Variants in FBN2 observed in about 807,000 individuals in gnomAD.
FBN2 encodes the protein fibrillin-2.
In FBN2, 105 loss-of-function variants were observed where a neutral mutation model predicts 355.6. The observed-to-expected ratio is 0.30, with a 90% CI of 0.25 to 0.35. The LOEUF is 0.35. Among genes scored for constraint, FBN2 ranks in the 10% least tolerant of loss-of-function variants. The pLI, the probability that FBN2 is intolerant of heterozygous loss-of-function variation, is 1.00. For synonymous variants in FBN2, 1,350 were observed against 1,301.2 expected, an observed-to-expected ratio of 1.04 and a Z score of -0.81; for missense variants, 3,280 against 3,758.7, an observed-to-expected ratio of 0.87 and a Z score of 3.33.
Position 128,258,326 on chromosome 5 carries a change from T to TA in FBN2, c.*1128dup, listed in dbSNP as rs1280305113. 6.6e-6 allele frequency: 1 copy of TA among 152,446 alleles called. No individual in the cohort carries two copies. The highest frequency in any genetic ancestry group is 1.5e-5 in the Non-Finnish European group (1 of 68,020). 9.4% of individuals were successfully genotyped at this position (152,446 alleles called of 1,614,324 possible). On this transcript the variant is annotated 3_prime_UTR_variant, in exon 65 of 65. Coordinates refer to ENST00000262464, the MANE Select transcript of FBN2 (RefSeq NM_001999.4). ...ATCTTTCATACACAATAGGCTATGATAAAATGAGGCATATGGTGTATAACT... is the reference window on the plus strand; with the variant it reads ...ATCTTTCATACACAATAGGCTATGATAAAAATGAGGCATATGGTGTATAACT...
chr5:128,459,065 TAAA>T (rs1158517009), intron 6 of FBN2, among the ~76,000 whole-genome samples: 4 of 151,658 alleles, frequency 2.6e-5, no homozygotes, highest in Non-Finnish European at 5.9e-5. Flanking sequence ...GCTAGACTAA[TAAA>T]GAAGAATGAA....
At chr5:128,392,224 A>G in intron 10 of FBN2, 69 bp from the exon 11 acceptor site, 1 of 1,377,608 alleles carries the variant, frequency 7.3e-7, no homozygotes, top group Admixed American at 1.7e-5. Flanking sequence ...ATTGATTTTT[A>G]AAGGACATTT....
At chr5:128,329,693 A>C (rs1241301333) in intron 33 of FBN2, among the ~76,000 whole-genome samples, 1 of 152,374 alleles carries the variant, frequency 6.6e-6, no homozygotes, top group East Asian at 1.9e-4. Flanking sequence ...TGAAGCTTTA[A>C]AACTGAATAA....
chr5:128,412,628 C>A (rs1753100995), intron 7 of FBN2, among the ~76,000 whole-genome samples: 1 of 152,156 alleles, frequency 6.6e-6, no homozygotes, highest in Admixed American at 6.5e-5. Context: ...TGAAAATACA[C>A]CACAGTTGAA....
At chr5:128,501,028 A>C (rs1184283997) in intron 5 of FBN2, among the ~76,000 whole-genome samples, 3 of 152,218 alleles carry the variant, frequency 2.0e-5, no homozygotes, top group African/African-American at 7.2e-5. Flanking sequence ...AGGGAGCAGC[A>C]GGCTGGGGTG....
At position 128,287,327 on chromosome 5, in the gene FBN2, T is replaced by C. The variant is rs747028610; in HGVS notation, c.6861A>G (p.Glu2287=). Residue 2287 remains glutamate, a synonymous_variant, in exon 54 of 65, where the codon GAA becomes GAG. Transcript: ENST00000262464. ...CCTTACCTTTGCACATCTTTTGATC[T>C]TCCCTGAGGGCATAGCCAATCGGGC... ...CTCPIGYALR[E]DQKMCKDLDE... 1.9e-6 allele frequency: 3 copies of C among 1,614,030 alleles called. No homozygotes were observed. Among genetic ancestry groups the C allele is most frequent in the South Asian group, 2.2e-5 (2 of 91,082 alleles).
At chr5:128,523,067 C>T (rs1756477777) in intron 4 of FBN2, among the ~76,000 whole-genome samples, 3 of 152,160 alleles carry the variant, frequency 2.0e-5, no homozygotes, top group South Asian at 4.1e-4. Flanking sequence ...TTACTGAGCA[C>T]TTACTTTGTG....
chr5:128,481,775 G>GA (rs1403376471), intron 5 of FBN2, among the ~76,000 whole-genome samples: 7 of 151,284 alleles, frequency 4.6e-5, no homozygotes, highest in Admixed American at 2.6e-4. Flanking sequence ...ATTTTTAGTG[G>GA]AAAAAAAACA....
chr5:128,377,562 AC>A (rs1195802449), intron 13 of FBN2, among the ~76,000 whole-genome samples, 189 bp downstream of exon 13: 5 of 149,412 alleles, frequency 3.3e-5, no homozygotes, highest in Non-Finnish European at 6.0e-5. Context: ...AAAAAAAAAA[AC>A]CAAAAAACAA....
intron 32 of FBN2, among the ~76,000 whole-genome samples, chr5:128,332,122 C>A (rs1166729408): frequency 1.3e-5 from 2 of 152,126 alleles, no homozygotes; most frequent in Non-Finnish European, 2.9e-5. Context: ...AGTATATATT[C>A]AAATTAACTT....
intron 11 of FBN2, among the ~76,000 whole-genome samples, chr5:128,388,042 T>C (rs761920083): frequency 1.7e-4 from 26 of 152,230 alleles, no homozygotes; most frequent in Non-Finnish European, 3.4e-4. Flanking sequence ...TGGGTGCATG[T>C]ATGTTTAGGA....
chr5:128,389,168 T>A (rs941938278), intron 11 of FBN2, among the ~76,000 whole-genome samples: 1 of 152,050 alleles, frequency 6.6e-6, no homozygotes, highest in South Asian at 2.1e-4. Flanking sequence ...TTGTAGTGAG[T>A]TTTTCAGCTC....
chr5:128,324,522 C>T (rs988685692), intron 34 of FBN2, among the ~76,000 whole-genome samples: 2 of 151,890 alleles, frequency 1.3e-5, no homozygotes, highest in African/African-American at 2.4e-5. Context: ...CTTCTGTATT[C>T]CTGCCTTAAT....
chr5:128,312,165 C>T (rs796770331), intron 37 of FBN2, among the ~76,000 whole-genome samples: 6 of 152,064 alleles, frequency 3.9e-5, no homozygotes, highest in African/African-American at 1.4e-4. Flanking sequence ...TAACACGAAC[C>T]ATTTGTTTTT....
At chr5:128,521,859 G>A (rs1367785258) in intron 4 of FBN2, among the ~76,000 whole-genome samples, 1 of 152,154 alleles carries the variant, frequency 6.6e-6, no homozygotes, top group African/African-American at 2.4e-5. Context: ...CCTAGAAAGA[G>A]CTGGCCCATT....
intron 31 of FBN2, 127 bp downstream of exon 31, chr5:128,334,592 T>TCA (rs1478728141): frequency 3.0e-6 from 3 of 1,011,284 alleles, no homozygotes; most frequent in African/African-American, 1.6e-5. Flanking sequence ...CACACACTCA[T>TCA]CACACACACA....
At chr5:128,337,883 A>C (rs1354146214) in intron 27 of FBN2, 114 bp downstream of exon 27, 1 of 1,166,230 alleles carries the variant, frequency 8.6e-7, no homozygotes, top group Non-Finnish European at 1.3e-6. Context: ...CTCAATTTCC[A>C]CCTTTTAATA....
intron 11 of FBN2, among the ~76,000 whole-genome samples, chr5:128,382,536 C>T (rs765897493): frequency 5.9e-5 from 9 of 152,060 alleles, no homozygotes; most frequent in African/African-American, 1.9e-4. Context: ...AACTCTACCC[C>T]GGACATTCCT....
At chr5:128,311,209 G>A in intron 39 of FBN2, 91 bp downstream of exon 39, 1 of 1,345,690 alleles carries the variant, frequency 7.4e-7, no homozygotes. Flanking sequence ...TGAGCCTTTT[G>A]TAGAATGTGA....
Sources: gnomAD v4.1 joint callset for allele counts (sites outside exome capture counted in the v4.1 genomes callset) on GRCh38, gnomAD v4.1.1 for gene constraint, MANE v1.5 for transcripts, NCBI Gene and HGNC (gene_info 2026-07-23, HGNC 2026-07-21) for gene names.